The following NTNG1 variants were observed in gnomAD, a reference collection of about 807,000 sequenced individuals.
NTNG1 encodes the protein netrin-G1.
In NTNG1, 16 loss-of-function variants were observed where a neutral mutation model predicts 54.0. That is an observed-to-expected ratio of 0.30 (90% confidence interval 0.20 to 0.45). The LOEUF is 0.45. Among genes scored for constraint, NTNG1 ranks in the 20% least tolerant of loss-of-function variants. NTNG1 has a pLI of 1.00. For synonymous variants in NTNG1, 255 were observed against 263.1 expected (o/e 0.97, Z 0.30); for missense variants, 530 against 678.7 (o/e 0.78, Z 2.43).
chr1:107,455,687 T>G (rs1465344131), intron 7 of NTNG1: 5 of 452,448 alleles, frequency 1.1e-5, no homozygotes, highest in Non-Finnish European at 2.3e-5. Flanking sequence ...GTGACAGCAC[T>G]GGAGAGCATG....
At chr1:107,164,469 T>C (rs745401246) in intron 2 of NTNG1, among the ~76,000 whole-genome samples, 4 of 152,258 alleles carry the variant, frequency 2.6e-5, no homozygotes, top group Non-Finnish European at 5.9e-5. Context: ...ACCTGTTATG[T>C]GCAAGGTACT....
At position 107,195,726 on chromosome 1, in the gene NTNG1, T is replaced by C. The variant is rs148351459; in HGVS notation, c.246+46887T>C. 1.2e-4 allele frequency among the ~76,000 whole-genome samples: 19 copies of C among 152,140 alleles called. No individual in the cohort carries two copies. The East Asian group carries it at 3.7e-3, about 30-fold the overall frequency. On this transcript the variant is annotated intron_variant, in intron 2 of 7. Coordinates refer to ENST00000370068, the MANE Select transcript of NTNG1 (RefSeq NM_001113226.3). ...AAATATTCCAAATATTTCAGGTATG[T>C]TCAGGCCCTTGCACTTGCTGATTCC...
At chr1:107,368,343 T>C (rs189759654) in intron 3 of NTNG1, among the ~76,000 whole-genome samples, 1 of 152,070 alleles carries the variant, frequency 6.6e-6, no homozygotes, top group South Asian at 2.1e-4. Context: ...AAAAAAAACA[T>C]TGGTGGCAGA....
At chr1:107,184,161 T>A (rs1008002578) in intron 2 of NTNG1, among the ~76,000 whole-genome samples, 1 of 152,246 alleles carries the variant, frequency 6.6e-6, no homozygotes, top group Admixed American at 6.5e-5. Flanking sequence ...ATCCAAGTCA[T>A]GCCTGGTACT....
At chr1:107,275,839 C>T (rs991802149) in intron 2 of NTNG1, among the ~76,000 whole-genome samples, 12 of 152,178 alleles carry the variant, frequency 7.9e-5, no homozygotes, top group Non-Finnish European at 1.6e-4. Flanking sequence ...GAGCAAATGT[C>T]TCTGCACTCT....
intron 2 of NTNG1, among the ~76,000 whole-genome samples, chr1:107,279,330 A>G (rs2101719526): frequency 6.6e-6 from 1 of 152,178 alleles, no homozygotes; most frequent in South Asian, 2.1e-4. Flanking sequence ...AAAGTTCTTC[A>G]TCTTCTCAAT....
chr1:107,382,661 C>T (rs887351083), intron 3 of NTNG1, among the ~76,000 whole-genome samples: 1 of 152,100 alleles, frequency 6.6e-6, no homozygotes, highest in African/African-American at 2.4e-5. Context: ...TGCTTTAAAA[C>T]CTTTGTTTCT....
chr1:107,175,766 A>T (rs1656599283), intron 2 of NTNG1, among the ~76,000 whole-genome samples: 1 of 152,214 alleles, frequency 6.6e-6, no homozygotes, highest in East Asian at 1.9e-4. Flanking sequence ...TAATTTATGG[A>T]AATTCTCTAG....
chr1:107,395,120 C>A lies in NTNG1; in HGVS notation c.888-34C>A, dbSNP rs755188243. 5 of 1,581,566 alleles carry A rather than the reference C, an allele frequency of 3.2e-6. No homozygotes were observed. In the East Asian group the frequency reaches 9.0e-5, roughly 28 times the overall value. On this transcript the variant is annotated intron_variant, in intron 3 of 7. Coordinates refer to ENST00000370068, the MANE Select transcript of NTNG1 (RefSeq NM_001113226.3). Reference sequence around the variant, plus strand: ...TCAGTGGTCACCAAGACCAACTTATCTGACAATGAACTCTTTGTCTCTCCT... The same window carrying A: ...TCAGTGGTCACCAAGACCAACTTATATGACAATGAACTCTTTGTCTCTCCT...
chr1:107,481,800 T>G lies in NTNG1; in HGVS notation c.*960T>G, dbSNP rs927824976. The G allele has an allele frequency of 6.6e-6, 1 of 152,616 alleles. No individual in the cohort carries two copies. Among genetic ancestry groups the G allele is most frequent in the Non-Finnish European group, 1.5e-5 (1 of 68,034 alleles). The allele number at this position is 152,616 out of a possible 1,614,324, so 9.5% of individuals were successfully genotyped here. The stretch of plus-strand genomic sequence containing the variant: ...TTCCACCAAAGGACATTCTAAATGT[T>G]TTCTTGTTGCTTTAACACTGGAAGA... On this transcript the variant is annotated 3_prime_UTR_variant, in exon 8 of 8. Coordinates refer to ENST00000370068, the MANE Select transcript of NTNG1 (RefSeq NM_001113226.3).
rs1238592533 is a variant in NTNG1, at chr1:107,482,393, T to G, written c.*1553T>G. On this transcript the variant is annotated 3_prime_UTR_variant, in exon 8 of 8. Coordinates refer to ENST00000370068, the MANE Select transcript of NTNG1 (RefSeq NM_001113226.3). ...TGCTGTTCCTGAGAATAAAGTTTGT[T>G]TTAAGTGCTGCCCAAGGTGTAATAA... 3 of 152,234 alleles carry G rather than the reference T, an allele frequency of 2.0e-5. No individual in the cohort carries two copies. Among genetic ancestry groups the G allele is most frequent in the Admixed American group, 6.5e-5 (1 of 15,280 alleles). 9.4% of individuals were successfully genotyped at this position (152,234 alleles called of 1,614,324 possible).
At chr1:107,213,295 A>G (rs1389064233) in intron 2 of NTNG1, among the ~76,000 whole-genome samples, 2 of 152,130 alleles carry the variant, frequency 1.3e-5, no homozygotes, top group Non-Finnish European at 2.9e-5. Context: ...GAAAAGCACA[A>G]CAGCCTGTCT....
intron 7 of NTNG1, among the ~76,000 whole-genome samples, chr1:107,462,517 A>G (rs533383859): frequency 6.6e-6 from 1 of 152,192 alleles, no homozygotes; most frequent in Non-Finnish European, 1.5e-5. Flanking sequence ...CAATAAATAG[A>G]TGTTCGCTTT....
intron 3 of NTNG1, among the ~76,000 whole-genome samples, chr1:107,347,557 A>G (rs1381758915): frequency 6.6e-6 from 1 of 152,052 alleles, no homozygotes; most frequent in Non-Finnish European, 1.5e-5. Context: ...GCCTCATGAG[A>G]TTGTTGAGAG....
intron 2 of NTNG1, among the ~76,000 whole-genome samples, chr1:107,211,216 C>G (rs1659579077): frequency 6.6e-6 from 1 of 152,114 alleles, no homozygotes; most frequent in Non-Finnish European, 1.5e-5. Flanking sequence ...CTTCACGTCT[C>G]CTGGAATCTT....
chr1:107,354,330 G>A (rs1037635410), intron 3 of NTNG1, among the ~76,000 whole-genome samples: 2 of 151,626 alleles, frequency 1.3e-5, no homozygotes, highest in South Asian at 2.1e-4. Flanking sequence ...TTAGCCGAGC[G>A]TGGTGGCAGG....
chr1:107,414,722 C>A (rs552782842), intron 5 of NTNG1, among the ~76,000 whole-genome samples: 2 of 152,260 alleles, frequency 1.3e-5, no homozygotes, highest in South Asian at 4.2e-4. Context: ...AATGAGCTAA[C>A]ATTTACTGAA....
chr1:107,404,088 T>C (rs1673240933), intron 4 of NTNG1, among the ~76,000 whole-genome samples: 1 of 149,282 alleles, frequency 6.7e-6, no homozygotes, highest in Non-Finnish European at 1.5e-5. Flanking sequence ...AATTTATATA[T>C]ATATATATAT....
intron 2 of NTNG1, among the ~76,000 whole-genome samples, chr1:107,223,941 GACAAT>G (rs1366402965): frequency 7.2e-5 from 11 of 152,218 alleles, no homozygotes; most frequent in African/African-American, 2.6e-4. Flanking sequence ...AAATATTAAT[GACAAT>G]ACAAGAGCTA....
Sources: gnomAD v4.1 joint callset for allele counts (sites outside exome capture counted in the v4.1 genomes callset) on GRCh38, gnomAD v4.1.1 for gene constraint, MANE v1.5 for transcripts, NCBI Gene and HGNC (gene_info 2026-07-23, HGNC 2026-07-21) for gene names.